ACTN2: variants seen among roughly 807,000 people sequenced by gnomAD.
ACTN2 encodes actinin alpha 2, also known as alpha-actinin-2.
ACTN2 carries 39 observed loss-of-function variants against 113.8 expected under a neutral mutation model. The observed-to-expected ratio is 0.34, with a 90% confidence interval of 0.27 to 0.45. The LOEUF is 0.45. Among genes scored for constraint, ACTN2 ranks in the 20% least tolerant of loss-of-function variants. The pLI, the probability that ACTN2 is intolerant of heterozygous loss-of-function variation, is 1.00. For synonymous variants in ACTN2, 429 were observed against 444.1 expected, an observed-to-expected ratio of 0.97 and a Z score of 0.43; for missense variants, 992 against 1,177.9, an observed-to-expected ratio of 0.84 and a Z score of 2.31.
At chr1:236,709,670 C>T (rs7530250) in intron 1 of ACTN2, among the ~76,000 whole-genome samples, 4,473 of 152,086 alleles carry the variant, frequency 0.029, 218 homozygotes, top group African/African-American at 0.1. Flanking sequence ...CAACAGAGAA[C>T]GCTCAGCAGC....
chr1:236,689,324 TATATATATATATATACAC>T (rs1558218398), intron 1 of ACTN2, among the ~76,000 whole-genome samples: 1 of 34,180 alleles, frequency 2.9e-5, no homozygotes, highest in Non-Finnish European at 8.3e-5. Flanking sequence ...TATATATATA[TATATATATATATATACAC>T]ACACATATGT....
At chr1:236,751,341 A>G (rs1659388375) in intron 14 of ACTN2, 129 bp from the exon 15 acceptor site, 3 of 1,162,280 alleles carry the variant, frequency 2.6e-6, no homozygotes, top group East Asian at 5.1e-5. Flanking sequence ...TAAAGCATTC[A>G]GAATGTGTTT....
intron 1 of ACTN2, among the ~76,000 whole-genome samples, chr1:236,693,553 G>A (rs143055889): frequency 8.3e-4 from 126 of 152,192 alleles, no homozygotes; most frequent in African/African-American, 2.7e-3. Flanking sequence ...TCTTCCAGGC[G>A]CCCAAGCCAG....
intron 1 of ACTN2, among the ~76,000 whole-genome samples, chr1:236,696,123 A>G (rs1366596013): frequency 6.6e-6 from 1 of 152,072 alleles, no homozygotes; most frequent in Non-Finnish European, 1.5e-5. Flanking sequence ...CCTGGCCAAC[A>G]TGGTGAAACC....
chr1:236,720,150 C>T lies in ACTN2; in HGVS notation c.407C>T (p.Thr136Ile). 6.2e-7 allele frequency: 1 copy of T among 1,613,764 alleles called. No individual in the cohort carries two copies. The highest frequency in any genetic ancestry group is 8.5e-7 in the Non-Finnish European group (1 of 1,179,714). ...NVKMTLGMIW[T>I]IILRFAIQDI... Reference sequence around the variant, plus strand: ...AAAATGACCCTGGGTATGATCTGGACCATCATCCTTCGCTTTGCTATTCAG... The same window carrying T: ...AAAATGACCCTGGGTATGATCTGGATCATCATCCTTCGCTTTGCTATTCAG... Residue 136 changes from threonine (T) to isoleucine (I), a missense_variant, in exon 4 of 21, where the codon ACC (threonine) becomes ATC (isoleucine). Physicochemically the swap from Thr to Ile is moderately conservative, Grantham distance 89. This residue lies in a region of ACTN2 where 220 missense variants were observed against 337.5 expected (regional missense o/e 0.65). Transcript: ENST00000366578.
chr1:236,722,447 C>T (rs1250014520), intron 4 of ACTN2, among the ~76,000 whole-genome samples: 3 of 151,884 alleles, frequency 2.0e-5, no homozygotes, highest in Non-Finnish European at 4.4e-5. Flanking sequence ...CCAGCCTGGC[C>T]AACATGGTGA....
rs1015285389 is a variant in ACTN2, at chr1:236,760,892, C to G, written c.2368-123C>G. The G allele has an allele frequency of 8.0e-6, 10 of 1,250,756 alleles. No individual in the cohort carries two copies. The South Asian group carries it at 1.2e-4, about 15-fold the overall frequency. The allele number at this position is 1,250,756 out of a possible 1,614,324, so 77.5% of individuals were successfully genotyped here. A position where few individuals can be genotyped will look rare whatever the true frequency, so the allele number is the denominator to read the frequency against. ...ATCTTGTCCAAAGACTGAAGGGAAA[C>G]GCAGGTAATAATTCAGTTTTCAGAC... On this transcript the variant is annotated intron_variant, in intron 19 of 20. Coordinates refer to ENST00000366578, the MANE Select transcript of ACTN2 (RefSeq NM_001103.4).
At chr1:236,690,857 C>G (rs905379348) in intron 1 of ACTN2, among the ~76,000 whole-genome samples, 2 of 152,020 alleles carry the variant, frequency 1.3e-5, no homozygotes, top group Non-Finnish European at 2.9e-5. Flanking sequence ...TCTGTGTCTC[C>G]AGAACTTTTC....
chr1:236,701,774 T>A (rs1007932648), intron 1 of ACTN2, among the ~76,000 whole-genome samples: 1 of 152,236 alleles, frequency 6.6e-6, no homozygotes, highest in African/African-American at 2.4e-5. Context: ...TTCTGAAAAT[T>A]ATAAGAATTT....
At chr1:236,719,490 T>C (rs992429590) in intron 3 of ACTN2, among the ~76,000 whole-genome samples, 1 of 152,136 alleles carries the variant, frequency 6.6e-6, no homozygotes. Flanking sequence ...TTTATTTGAT[T>C]ATTTAAAACT....
chr1:236,758,301 TA>T (rs1190989414), intron 18 of ACTN2, among the ~76,000 whole-genome samples: 2 of 141,264 alleles, frequency 1.4e-5, no homozygotes, highest in African/African-American at 5.9e-5. Context: ...TTTTTTTTTT[TA>T]ATGAGACGGA....
At position 236,762,809 on chromosome 1, in the gene ACTN2, A is replaced by G; in HGVS notation, c.*190A>G. 3.0e-6 allele frequency: 2 copies of G among 661,712 alleles called. No individual in the cohort carries two copies. The highest frequency in any genetic ancestry group is 5.2e-6 in the Non-Finnish European group (2 of 384,166). The allele number at this position is 661,712 out of a possible 1,614,324, so 41.0% of individuals were successfully genotyped here. The stretch of plus-strand genomic sequence containing the variant: ...ATGAAGTTTTTACAGTATATGACAT[A>G]GTGCGCTTCATAAATAGGTTTATTT... On this transcript the variant is annotated 3_prime_UTR_variant, in exon 21 of 21. Coordinates refer to ENST00000366578, the MANE Select transcript of ACTN2 (RefSeq NM_001103.4).
At chr1:236,744,867 G>A (rs556994685) in intron 12 of ACTN2, 91 bp downstream of exon 12, 15 of 1,574,304 alleles carry the variant, frequency 9.5e-6, no homozygotes, top group Admixed American at 5.1e-5. Flanking sequence ...CTGACTAAAC[G>A]CAGAGGGAAC....
intron 7 of ACTN2, among the ~76,000 whole-genome samples, chr1:236,734,748 C>A (rs764122388): frequency 2.0e-5 from 3 of 152,156 alleles, no homozygotes; most frequent in Non-Finnish European, 4.4e-5. Context: ...AGTTACACAA[C>A]CCCACATCCT....
chr1:236,760,931 C>T, intron 19 of ACTN2, 84 bp from the exon 20 acceptor site: 3 of 1,539,484 alleles, frequency 1.9e-6, no homozygotes, highest in South Asian at 1.1e-5. Context: ...AAGGAATTGG[C>T]ATGTCACCAG....
At chr1:236,712,837 A>T (rs1260387142) in intron 1 of ACTN2, among the ~76,000 whole-genome samples, 1 of 152,148 alleles carries the variant, frequency 6.6e-6, no homozygotes, top group Non-Finnish European at 1.5e-5. Context: ...TTCACCAGCA[A>T]TATTTGCCCA....
intron 1 of ACTN2, among the ~76,000 whole-genome samples, chr1:236,715,471 A>T (rs532321584): frequency 2.0e-5 from 3 of 152,186 alleles, no homozygotes; most frequent in Admixed American, 1.3e-4. Context: ...TGTCCAGTAG[A>T]ATTTTCTGTG....
At chr1:236,724,325 A>G (rs12751677) in intron 4 of ACTN2, among the ~76,000 whole-genome samples, 22,311 of 152,184 alleles carry the variant, frequency 0.15, 1,927 homozygotes, top group East Asian at 0.23. Context: ...CTCCAAATAC[A>G]GGCACATTAG....
chr1:236,749,501 A>T (rs1659332254), intron 14 of ACTN2, among the ~76,000 whole-genome samples: 1 of 152,204 alleles, frequency 6.6e-6, no homozygotes, highest in Admixed American at 6.5e-5. Flanking sequence ...CTGTTCTTTA[A>T]AAAAGAATGC....
Sources: allele counts gnomAD v4.1 joint callset (sites outside exome capture counted in the v4.1 genomes callset), GRCh38; gene constraint gnomAD v4.1.1; regional missense constraint gnomAD v4.1.1; transcripts MANE v1.5; gene names NCBI Gene and HGNC (gene_info 2026-07-23, HGNC 2026-07-21).